SYNJ2: variants seen among roughly 807,000 people sequenced by gnomAD.
SYNJ2 encodes synaptojanin 2, also known as polyphosphatidylinositol phosphatase SYNJ2.
SYNJ2 carries 116 observed loss-of-function variants against 141.3 expected under a neutral mutation model. The observed-to-expected ratio is 0.82, with a 90% CI of 0.71 to 0.96. The LOEUF is 0.96. SYNJ2 is among the 40% of genes least tolerant of loss of function. The probability of loss-of-function intolerance (pLI) is 0.00; values close to 1 mark genes in which losing one functional copy is unlikely to be tolerated. For synonymous variants in SYNJ2, 745 were observed against 777.7 expected (o/e 0.96, Z 0.70); for missense variants, 1,873 against 1,934.8 (o/e 0.97, Z 0.60).
chr6:158,038,066 C>T (rs2128341179), intron 4 of SYNJ2, among the ~76,000 whole-genome samples: 1 of 152,354 alleles, frequency 6.6e-6, no homozygotes, highest in East Asian at 1.9e-4. Flanking sequence ...TCCTGAATCT[C>T]CCACCTCGGG....
rs151251113 is a variant in SYNJ2, at chr6:158,091,610, G to A, written c.3566-1316G>A. ...AAAAATACAAAAAAATTAGCCGGGC[G>A]TGGTGGCACGTGCCTGTTAGTCCCA... On this transcript the variant is annotated intron_variant, in intron 25 of 26. Coordinates refer to ENST00000355585, the MANE Select transcript of SYNJ2 (RefSeq NM_003898.4). 3.9e-3 allele frequency among the ~76,000 whole-genome samples: 592 copies of A among 152,120 alleles called. 5 individuals carry two copies. Among genetic ancestry groups the A allele is most frequent in the African/African-American group, 0.013 (559 of 41,506 alleles).
chr6:158,039,935 C>T (rs73795212), intron 4 of SYNJ2, among the ~76,000 whole-genome samples: 4,503 of 152,208 alleles, frequency 0.03, 229 homozygotes, highest in African/African-American at 0.1. Context: ...GGAAGTGGAG[C>T]GTGCACACAG....
chr6:158,095,830 G>A lies in SYNJ2; in HGVS notation c.3957G>A (p.Val1319=), dbSNP rs1783765231. The part of the protein sequence containing the change: ...DEAPPGAGAS[V]PPPLEAPPLV... ...CCCCTCCTGGGGCAGGAGCCTCTGT[G>A]CCACCACCTCTGGAGGCGCCGCCTC... Residue 1319 remains valine, a synonymous_variant, in exon 27 of 27, where the codon GTG becomes GTA. Transcript: ENST00000355585. 3 of 1,614,124 alleles carry A rather than the reference G, an allele frequency of 1.9e-6. No homozygotes were observed. The highest frequency in any genetic ancestry group is 2.5e-6 in the Non-Finnish European group (3 of 1,180,008).
At chr6:158,005,335 C>G (rs1778026639) in intron 1 of SYNJ2, among the ~76,000 whole-genome samples, 2 of 152,192 alleles carry the variant, frequency 1.3e-5, no homozygotes, top group South Asian at 4.1e-4. Context: ...CCTTGGCCTT[C>G]CAAAGTGCTG....
At chr6:158,013,602 T>C (rs1340700779) in intron 1 of SYNJ2, among the ~76,000 whole-genome samples, 1 of 152,170 alleles carries the variant, frequency 6.6e-6, no homozygotes, top group African/African-American at 2.4e-5. Context: ...TCATTATTTG[T>C]GGATTCCATA....
At chr6:158,086,773 C>T in intron 22 of SYNJ2, 82 bp from the exon 23 acceptor site, 1 of 1,465,318 alleles carries the variant, frequency 6.8e-7, no homozygotes, top group South Asian at 1.3e-5. Context: ...CTGCCACAGT[C>T]GGCCTCCTGT....
intron 22 of SYNJ2, among the ~76,000 whole-genome samples, chr6:158,085,263 C>G (rs973891951): frequency 6.6e-6 from 1 of 152,144 alleles, no homozygotes; most frequent in Non-Finnish European, 1.5e-5. Flanking sequence ...TCAAGTGACC[C>G]TCCTACCTGG....
At chr6:158,015,586 G>T (rs1778423333) in intron 1 of SYNJ2, among the ~76,000 whole-genome samples, 1 of 152,150 alleles carries the variant, frequency 6.6e-6, no homozygotes, top group South Asian at 2.1e-4. Context: ...ACCAATGTGG[G>T]TTAGCCGTAT....
At chr6:157,987,547 G>A (rs550694130) in intron 1 of SYNJ2, among the ~76,000 whole-genome samples, 69 of 152,102 alleles carry the variant, frequency 4.5e-4, no homozygotes, top group Non-Finnish European at 8.7e-4. Flanking sequence ...GACTACAGGC[G>A]CGTGCCATCA....
At chr6:158,049,579 G>A (rs1780443796) in intron 5 of SYNJ2, among the ~76,000 whole-genome samples, 1 of 152,216 alleles carries the variant, frequency 6.6e-6, no homozygotes. Flanking sequence ...CTCAGGGAGA[G>A]GCGGTTAGAC....
At chr6:157,988,014 C>T (rs913612433) in intron 1 of SYNJ2, among the ~76,000 whole-genome samples, 1 of 152,242 alleles carries the variant, frequency 6.6e-6, no homozygotes, top group East Asian at 1.9e-4. Context: ...AAGAGAGGGC[C>T]GAGGGCCATG....
chr6:158,050,458 C>T (rs2128351476), intron 5 of SYNJ2, among the ~76,000 whole-genome samples: 1 of 152,360 alleles, frequency 6.6e-6, no homozygotes, highest in African/African-American at 2.4e-5. Context: ...TCTTAGTTCT[C>T]TGAGGTAGAA....
chr6:158,088,790 C>T lies in SYNJ2; in HGVS notation c.3456+18C>T, dbSNP rs372596258. The T allele has an allele frequency of 6.4e-5, 101 of 1,566,784 alleles. No homozygotes were observed. Among genetic ancestry groups the T allele is most frequent in the South Asian group, 1.4e-4 (13 of 90,128 alleles). ...AGCAACCTGTGAGTTCTTCTGCATACATTTCAATCCCAAGGGTTTTGCCCC... is the reference window on the plus strand; with the variant it reads ...AGCAACCTGTGAGTTCTTCTGCATATATTTCAATCCCAAGGGTTTTGCCCC... On this transcript the variant is annotated intron_variant, in intron 24 of 26. Coordinates refer to ENST00000355585, the MANE Select transcript of SYNJ2 (RefSeq NM_003898.4).
chr6:158,015,573 G>A (rs1302255726), intron 1 of SYNJ2, among the ~76,000 whole-genome samples: 1 of 152,160 alleles, frequency 6.6e-6, no homozygotes, highest in African/African-American at 2.4e-5. Context: ...CTGTGACTCT[G>A]TCACCAATGT....
intron 4 of SYNJ2, among the ~76,000 whole-genome samples, chr6:158,039,476 G>GC (rs1341223342): frequency 6.6e-6 from 1 of 152,252 alleles, no homozygotes; most frequent in Non-Finnish European, 1.5e-5. Flanking sequence ...TGTTTCAGGT[G>GC]CCAGTGATCT....
intron 1 of SYNJ2, among the ~76,000 whole-genome samples, chr6:158,012,982 A>G (rs1367866287): frequency 6.6e-6 from 1 of 152,230 alleles, no homozygotes; most frequent in African/African-American, 2.4e-5. Context: ...CATTGGGGAA[A>G]ATATTCATTC....
chr6:158,038,932 A>G (rs986445520), intron 4 of SYNJ2, among the ~76,000 whole-genome samples: 31 of 152,250 alleles, frequency 2.0e-4, no homozygotes, highest in African/African-American at 7.2e-4. Context: ...CTGGAAGAGC[A>G]GAGAGGGTTC....
chr6:158,050,381 T>C (rs1780501798), intron 5 of SYNJ2, among the ~76,000 whole-genome samples: 1 of 152,232 alleles, frequency 6.6e-6, no homozygotes, highest in Non-Finnish European at 1.5e-5. Context: ...TGGTCTAGAC[T>C]TAACAGATCC....
intron 1 of SYNJ2, among the ~76,000 whole-genome samples, chr6:157,992,466 A>G (rs1777483282): frequency 1.5e-5 from 2 of 137,704 alleles, no homozygotes; most frequent in Admixed American, 1.7e-4. Flanking sequence ...CACAGGCTAT[A>G]GTGCAGTGGT....
Sources: allele counts gnomAD v4.1 joint callset (sites outside exome capture counted in the v4.1 genomes callset), GRCh38; gene constraint gnomAD v4.1.1; transcripts MANE v1.5; gene names NCBI Gene and HGNC (gene_info 2026-07-23, HGNC 2026-07-21).